The following SDK1 variants were observed in gnomAD, a reference collection of about 807,000 sequenced individuals.
The protein encoded by SDK1 is sidekick cell adhesion molecule 1.
SDK1 carries 157 observed loss-of-function variants against 245.5 expected under a neutral mutation model. That is an observed-to-expected ratio of 0.64 (90% CI 0.56 to 0.73). SDK1 has a LOEUF of 0.73. SDK1 is among the 30% of genes least tolerant of loss of function. SDK1 has a pLI of 0.00. For synonymous variants in SDK1, 1,647 were observed against 1,278.5 expected (o/e 1.29, Z -6.15); for missense variants, 3,583 against 3,002.3 (o/e 1.19, Z -4.52).
chr7:3,942,522 G>C (rs1780405380), intron 5 of SDK1, among the ~76,000 whole-genome samples: 1 of 152,192 alleles, frequency 6.6e-6, no homozygotes, highest in African/African-American at 2.4e-5. Flanking sequence ...AGATTTAAAA[G>C]AAGCCAAAGA....
intron 4 of SDK1, among the ~76,000 whole-genome samples, chr7:3,712,152 TG>T (rs547198017): frequency 1.9e-3 from 283 of 152,264 alleles, no homozygotes; most frequent in African/African-American, 6.6e-3. Flanking sequence ...AGGCGCAGGG[TG>T]GGCAAGTGAG....
intron 4 of SDK1, among the ~76,000 whole-genome samples, chr7:3,687,866 G>A (rs910014164): frequency 6.6e-6 from 1 of 152,174 alleles, no homozygotes; most frequent in African/African-American, 2.4e-5. Context: ...TGTCGTCATT[G>A]CAGGAACCTG....
chr7:3,821,633 T>C, intron 5 of SDK1, 50 bp downstream of exon 5: 1 of 1,596,566 alleles, frequency 6.3e-7, no homozygotes, highest in South Asian at 1.1e-5. Context: ...AAAATCTTGC[T>C]TTAATCAGTA....
intron 4 of SDK1, among the ~76,000 whole-genome samples, chr7:3,809,575 A>G (rs1344102120): frequency 6.6e-6 from 1 of 152,244 alleles, no homozygotes; most frequent in Non-Finnish European, 1.5e-5. Context: ...TCAAAGAGGA[A>G]CAAATGTGGT....
At chr7:3,647,759 G>A (rs1782894652) in intron 4 of SDK1, among the ~76,000 whole-genome samples, 1 of 151,998 alleles carries the variant, frequency 6.6e-6, no homozygotes, top group African/African-American at 2.4e-5. Context: ...AAATGTTTTT[G>A]TTTTTCTACC....
At chr7:3,870,868 G>A (rs946832483) in intron 5 of SDK1, among the ~76,000 whole-genome samples, 2 of 152,166 alleles carry the variant, frequency 1.3e-5, no homozygotes, top group African/African-American at 2.4e-5. Flanking sequence ...TCTCCAAAAT[G>A]CATAATAACA....
chr7:3,600,204 T>G (rs1328170956), intron 1 of SDK1, among the ~76,000 whole-genome samples: 5 of 152,358 alleles, frequency 3.3e-5, no homozygotes, highest in Non-Finnish European at 7.3e-5. Context: ...ATTATGTGTT[T>G]CATTTTGGTT....
chr7:4,236,196 C>T (rs538983923), intron 41 of SDK1, among the ~76,000 whole-genome samples: 1 of 152,292 alleles, frequency 6.6e-6, no homozygotes, highest in African/African-American at 2.4e-5. Context: ...TGAGCCAATG[C>T]CTGGGCTTTG....
rs186072914 is a variant in SDK1 at position 3,825,685 on chromosome 7, G to C, written c.847+4102G>C. ...AATGCTAATTTAACTGCAGACTCACGTAGGGTTAGTAGTTGAAAGTGGATT... is the reference window on the plus strand; with the variant it reads ...AATGCTAATTTAACTGCAGACTCACCTAGGGTTAGTAGTTGAAAGTGGATT... On this transcript the variant is annotated intron_variant, in intron 5 of 44. Transcript: ENST00000404826. 7.9e-5 allele frequency among the ~76,000 whole-genome samples: 12 copies of C among 152,274 alleles called. No individual in the cohort carries two copies. The East Asian group carries it at 1.4e-3, about 17-fold the overall frequency.
intron 4 of SDK1, among the ~76,000 whole-genome samples, chr7:3,684,304 G>A (rs1784206807): frequency 1.3e-5 from 2 of 152,192 alleles, no homozygotes; most frequent in Admixed American, 6.5e-5. Flanking sequence ...CTGACCTTCA[G>A]TCCCAAGCTG....
chr7:3,762,327 A>G (rs1261161856), intron 4 of SDK1, among the ~76,000 whole-genome samples: 1 of 152,190 alleles, frequency 6.6e-6, no homozygotes, highest in African/African-American at 2.4e-5. Flanking sequence ...AACAGACTGC[A>G]CCTGCTGCAG....
At chr7:3,735,213 A>G (rs187032440) in intron 4 of SDK1, among the ~76,000 whole-genome samples, 1 of 152,258 alleles carries the variant, frequency 6.6e-6, no homozygotes, top group Non-Finnish European at 1.5e-5. Context: ...TAACCATTTT[A>G]TATATAATTC....
chr7:3,800,329 C>T (rs560387280), intron 4 of SDK1, among the ~76,000 whole-genome samples: 3 of 152,162 alleles, frequency 2.0e-5, no homozygotes, highest in Admixed American at 6.5e-5. Flanking sequence ...GATGTGTGCT[C>T]AGCTACACTA....
intron 5 of SDK1, among the ~76,000 whole-genome samples, chr7:3,918,817 G>A (rs895155145): frequency 1.3e-5 from 2 of 152,016 alleles, no homozygotes; most frequent in Non-Finnish European, 2.9e-5. Flanking sequence ...TCCTGTCTTA[G>A]TTGGCCCCAT....
chr7:3,365,887 A>T (rs1781075189), intron 1 of SDK1, among the ~76,000 whole-genome samples: 2 of 152,074 alleles, frequency 1.3e-5, no homozygotes, highest in African/African-American at 4.8e-5. Context: ...AAATACAAAA[A>T]AATTAGCTAG....
intron 32 of SDK1, among the ~76,000 whole-genome samples, chr7:4,165,360 AAAAC>A (rs58209155): frequency 3.9e-5 from 6 of 152,160 alleles, no homozygotes; most frequent in East Asian, 3.9e-4. Flanking sequence ...ACCTTGTCTC[AAAAC>A]AAACAAACAA....
At chr7:3,740,921 T>C (rs890892142) in intron 4 of SDK1, among the ~76,000 whole-genome samples, 3 of 152,158 alleles carry the variant, frequency 2.0e-5, no homozygotes, top group African/African-American at 7.2e-5. Flanking sequence ...CATTTTGTGG[T>C]TCATAGCAAC....
rs1397152225 is a variant in SDK1, at chr7:3,982,852, A to AG, written c.1995-4334_1995-4333insG. ...GAGACAACATCTCAAAAAAAAAAAA[A>AG]AGAATGTTTGTGATTCATGGGAGGA... On this transcript the variant is annotated intron_variant, in intron 13 of 44. Coordinates refer to ENST00000404826, the MANE Select transcript of SDK1 (RefSeq NM_152744.4). 2.0e-5 allele frequency among the ~76,000 whole-genome samples: 3 copies of AG among 152,154 alleles called. No homozygotes were observed. In the East Asian group the frequency reaches 5.8e-4, roughly 29 times the overall value.
At chr7:3,943,603 T>C (rs942156880) in intron 5 of SDK1, among the ~76,000 whole-genome samples, 4 of 150,962 alleles carry the variant, frequency 2.6e-5, no homozygotes, top group African/African-American at 9.8e-5. Context: ...ATTCGACCGC[T>C]CCCCAACCCG....
Sources: gnomAD v4.1 joint callset for allele counts (sites outside exome capture counted in the v4.1 genomes callset) on GRCh38, gnomAD v4.1.1 for gene constraint, MANE v1.5 for transcripts, NCBI Gene and HGNC (gene_info 2026-07-23, HGNC 2026-07-21) for gene names.